Variants in KCNMA1 observed in about 807,000 individuals in gnomAD.
KCNMA1 encodes potassium calcium-activated channel subfamily M alpha 1.
In KCNMA1, 29 loss-of-function variants were observed where a neutral mutation model predicts 140.0. That is an observed-to-expected ratio of 0.21 (90% CI 0.15 to 0.28). The LOEUF (loss-of-function observed/expected upper bound fraction) is 0.28. Ranked by LOEUF, KCNMA1 falls within the 10% of genes least tolerant of loss-of-function variation. The pLI, the probability that KCNMA1 is intolerant of heterozygous loss-of-function variation, is 1.00. For missense variants in KCNMA1, 880 were observed against 1,602.2 expected, an observed-to-expected ratio of 0.55 and a Z score of 7.70; for synonymous variants, 612 against 611.9, an observed-to-expected ratio of 1.00 and a Z score of 0.00.
At chr10:77,166,030 T>C (rs2098638042) in intron 5 of KCNMA1, among the ~76,000 whole-genome samples, 2 of 152,120 alleles carry the variant, frequency 1.3e-5, no homozygotes, top group African/African-American at 4.8e-5. Context: ...GGATACACAT[T>C]AGGGCAGGTC....
At chr10:77,424,872 T>C (rs1353873371) in intron 1 of KCNMA1, among the ~76,000 whole-genome samples, 1 of 152,276 alleles carries the variant, frequency 6.6e-6, no homozygotes, top group Non-Finnish European at 1.5e-5. Context: ...TTTGTTGGAC[T>C]CACTGTGATT....
chr10:77,525,189 T>C lies in KCNMA1; in HGVS notation c.378+112076A>G, dbSNP rs150525495. ...TGCAGTTCTAATTAATATAATTCCA[T>C]ATGGATTTATGGATACCAGTTGTGT... On this transcript the variant is annotated intron_variant, in intron 1 of 27. Transcript: ENST00000286628. 4.9e-3 allele frequency among the ~76,000 whole-genome samples: 740 copies of C among 152,334 alleles called. 1 individual carries two copies. Among genetic ancestry groups the C allele is most frequent in the Non-Finnish European group, 7.8e-3 (529 of 68,034 alleles).
intron 21 of KCNMA1, among the ~76,000 whole-genome samples, chr10:76,950,200 A>G (rs1591691655): frequency 6.6e-6 from 1 of 152,180 alleles, no homozygotes; most frequent in African/African-American, 2.4e-5. Flanking sequence ...TCATTATATG[A>G]CTTATTACAG....
In KCNMA1 at chr10:77,199,918, G is replaced by T. The variant is rs76575322; in HGVS notation, c.603-15002C>A. ...TCTGCTCTTTATCCTATAGGAAATA[G>T]GGAGCTGACAGAAGTTTATTTATTT... On this transcript the variant is annotated intron_variant, in intron 3 of 27. Coordinates refer to ENST00000286628, the MANE Select transcript of KCNMA1 (RefSeq NM_001161352.2). Among the ~76,000 whole-genome samples, 354 of 152,254 alleles carry T rather than the reference G, an allele frequency of 2.3e-3. 3 individuals carry two copies. Among genetic ancestry groups the T allele is most frequent in the African/African-American group, 8.4e-3 (350 of 41,556 alleles).
At chr10:77,041,763 G>C (rs1318203396) in intron 14 of KCNMA1, among the ~76,000 whole-genome samples, 6 of 152,192 alleles carry the variant, frequency 3.9e-5, no homozygotes, top group Admixed American at 3.9e-4. Flanking sequence ...GCATGGGTAA[G>C]AGGAAGATGA....
At position 76,909,901 on chromosome 10, in the gene KCNMA1, G is replaced by T. The variant is rs535751982; in HGVS notation, c.3147+65C>A. 196 of 1,574,370 alleles carry T rather than the reference G, an allele frequency of 1.2e-4. 1 individual carries two copies. Among genetic ancestry groups the T allele is most frequent in the Non-Finnish European group, 1.5e-4 (172 of 1,159,592 alleles). ...CCCAGTGCAGCCCAGGGCCTCAAAG[G>T]TTGGAGGTGCTCTATTGGCACATCC... On this transcript the variant is annotated intron_variant, in intron 25 of 27. Transcript: ENST00000286628.
intron 2 of KCNMA1, chr10:77,354,582 G>A (rs2093291788): frequency 6.6e-6 from 1 of 152,186 alleles, no homozygotes; most frequent in African/African-American, 2.4e-5. Flanking sequence ...AAAGGCCTAG[G>A]ACATTAGTTG....
chr10:77,117,096 C>T (rs577791556), intron 6 of KCNMA1, among the ~76,000 whole-genome samples: 54 of 152,176 alleles, frequency 3.5e-4, no homozygotes, highest in African/African-American at 1.2e-3. Flanking sequence ...GTTAGGTACA[C>T]GATGACTCAT....
At chr10:77,510,240 G>A (rs926003109) in intron 1 of KCNMA1, among the ~76,000 whole-genome samples, 2 of 151,276 alleles carry the variant, frequency 1.3e-5, no homozygotes, top group African/African-American at 4.9e-5. Context: ...AGGTTCATAA[G>A]TTTGTAGGGT....
At chr10:77,430,298 T>C (rs1200177467) in intron 1 of KCNMA1, among the ~76,000 whole-genome samples, 1 of 152,194 alleles carries the variant, frequency 6.6e-6, no homozygotes, top group African/African-American at 2.4e-5. Flanking sequence ...CTCTACTCTA[T>C]GTTTACTTTA....
At chr10:77,207,036 G>A (rs1424825215) in intron 3 of KCNMA1, among the ~76,000 whole-genome samples, 1 of 152,028 alleles carries the variant, frequency 6.6e-6, no homozygotes, top group Non-Finnish European at 1.5e-5. Flanking sequence ...TATAATATAT[G>A]CACCTGGAAA....
intron 1 of KCNMA1, chr10:77,637,013 T>C: frequency 1.4e-6 from 2 of 1,409,968 alleles, no homozygotes; most frequent in Non-Finnish European, 1.8e-6. Flanking sequence ...AACCCTACAA[T>C]AAACAAGAGG....
chr10:77,612,438 T>C (rs2087293361), intron 1 of KCNMA1, among the ~76,000 whole-genome samples: 1 of 152,196 alleles, frequency 6.6e-6, no homozygotes, highest in African/African-American at 2.4e-5. Flanking sequence ...TCAAGATCCA[T>C]GAATATTCAT....
intron 2 of KCNMA1, among the ~76,000 whole-genome samples, chr10:77,257,581 T>G (rs922340788): frequency 6.6e-6 from 1 of 152,180 alleles, no homozygotes; most frequent in Non-Finnish European, 1.5e-5. Flanking sequence ...CTGGCTGTTC[T>G]AGGAAAGGAC....
intron 5 of KCNMA1, among the ~76,000 whole-genome samples, chr10:77,166,494 C>T (rs989203408): frequency 2.0e-5 from 3 of 151,946 alleles, no homozygotes; most frequent in African/African-American, 4.8e-5. Flanking sequence ...AATCATAATA[C>T]TGCAACACAT....
intron 1 of KCNMA1, among the ~76,000 whole-genome samples, chr10:77,622,447 G>A (rs1170782330): frequency 6.6e-6 from 1 of 152,190 alleles, no homozygotes; most frequent in Non-Finnish European, 1.5e-5. Flanking sequence ...CTCCTCACCT[G>A]TGTGTGACCC....
intron 25 of KCNMA1, among the ~76,000 whole-genome samples, chr10:76,908,080 G>A (rs558705466): frequency 1.2e-4 from 19 of 152,154 alleles, no homozygotes; most frequent in Non-Finnish European, 2.1e-4. Context: ...AGTCTTCTGA[G>A]ATCTCTGTAA....
chr10:77,490,725 T>C lies in KCNMA1; in HGVS notation c.379-86702A>G, dbSNP rs963492622. ...TGTGCTCTTTCCAACACAGAAACAG[T>C]CTATTTACATACAGCTCTCACAGGA... On this transcript the variant is annotated intron_variant, in intron 1 of 27. Coordinates refer to ENST00000286628, the MANE Select transcript of KCNMA1 (RefSeq NM_001161352.2). 4.6e-5 allele frequency among the ~76,000 whole-genome samples: 7 copies of C among 152,138 alleles called. No individual in the cohort carries two copies. The South Asian group carries it at 1.2e-3, about 27-fold the overall frequency.
At chr10:77,621,521 T>C (rs2091363344) in intron 1 of KCNMA1, among the ~76,000 whole-genome samples, 1 of 132,576 alleles carries the variant, frequency 7.5e-6, no homozygotes, top group African/African-American at 3.2e-5. Flanking sequence ...CATACGTACA[T>C]GTACACACAC....
Sources: gnomAD v4.1 joint callset for allele counts (sites outside exome capture counted in the v4.1 genomes callset) on GRCh38, gnomAD v4.1.1 for gene constraint, MANE v1.5 for transcripts, NCBI Gene and HGNC (gene_info 2026-07-23, HGNC 2026-07-21) for gene names.